The following PCBP3 variants were observed in gnomAD, a reference collection of about 807,000 sequenced individuals.
The protein encoded by PCBP3 is poly(rC) binding protein 3.
In PCBP3, 25 loss-of-function variants were observed where a neutral mutation model predicts 52.7. The observed-to-expected ratio is 0.47, with a 90% CI of 0.35 to 0.66. The LOEUF (loss-of-function observed/expected upper bound fraction) is 0.66, where lower values mean the gene tolerates loss of function less well. PCBP3 is among the 30% of genes least tolerant of loss of function. The probability of loss-of-function intolerance (pLI) is 0.01; values close to 1 mark genes in which losing one functional copy is unlikely to be tolerated. For missense variants in PCBP3, 391 were observed against 490.3 expected (o/e 0.80, Z 1.91); for synonymous variants, 162 against 183.0 (o/e 0.89, Z 0.93).
At chr21:45,857,658 C>T (rs1412669748) in intron 5 of PCBP3, among the ~76,000 whole-genome samples, 1 of 152,208 alleles carries the variant, frequency 6.6e-6, no homozygotes, top group Non-Finnish European at 1.5e-5. Flanking sequence ...CCAGGCTGCA[C>T]CCCAGCCACC....
chr21:45,644,028 G>T (rs1283764738), intron 1 of PCBP3, among the ~76,000 whole-genome samples, 160 bp downstream of exon 1: 1 of 149,484 alleles, frequency 6.7e-6, no homozygotes, highest in African/African-American at 2.4e-5. Flanking sequence ...CGCCGTCCCC[G>T]ACCGCCGCCG....
chr21:45,732,687 G>A (rs1328096143), intron 2 of PCBP3: 5 of 152,026 alleles, frequency 3.3e-5, no homozygotes, highest in East Asian at 1.9e-4. Flanking sequence ...ACAAGGCCTC[G>A]TTCTGTCACC....
At chr21:45,857,873 T>C (rs1346923856) in intron 5 of PCBP3, among the ~76,000 whole-genome samples, 3 of 152,192 alleles carry the variant, frequency 2.0e-5, no homozygotes, top group Non-Finnish European at 4.4e-5. Context: ...CTGGATGGGA[T>C]GGGGAAACAG....
intron 4 of PCBP3, among the ~76,000 whole-genome samples, chr21:45,782,254 A>G (rs1318553276): frequency 6.6e-6 from 1 of 152,248 alleles, no homozygotes; most frequent in East Asian, 1.9e-4. Context: ...TTACCAGATA[A>G]GAACTTTGAA....
intron 11 of PCBP3, among the ~76,000 whole-genome samples, chr21:45,911,872 T>G (rs1167338858): frequency 1.3e-5 from 2 of 152,234 alleles, no homozygotes; most frequent in African/African-American, 4.8e-5. Context: ...TGAAAAATAT[T>G]TTTCAAAATA....
intron 10 of PCBP3, 97 bp downstream of exon 10, chr21:45,909,583 C>A: frequency 1.6e-6 from 2 of 1,272,192 alleles, no homozygotes; most frequent in Non-Finnish European, 2.2e-6. Context: ...CTTGTCCCTG[C>A]TGTCTGCAAG....
chr21:45,932,525 C>CCG (rs2076373221), intron 15 of PCBP3, among the ~76,000 whole-genome samples: 5 of 143,584 alleles, frequency 3.5e-5, no homozygotes, highest in African/African-American at 1.3e-4. Flanking sequence ...ACGAACACGT[C>CCG]GGCCATGCCG....
At chr21:45,745,644 CCT>C (rs2086774444) in intron 3 of PCBP3, among the ~76,000 whole-genome samples, 1 of 152,182 alleles carries the variant, frequency 6.6e-6, no homozygotes, top group African/African-American at 2.4e-5. Flanking sequence ...GCCAGGTGAC[CCT>C]CTCTGCAGAG....
chr21:45,844,260 C>T (rs1266278054), intron 4 of PCBP3, among the ~76,000 whole-genome samples: 1 of 152,042 alleles, frequency 6.6e-6, no homozygotes, highest in Non-Finnish European at 1.5e-5. Flanking sequence ...GTGAGAGCCC[C>T]ACTTTAGGGA....
rs3788227 is a variant in PCBP3 at position 45,880,471 on chromosome 21, G to A, written c.11-15737G>A. 0.14 allele frequency among the ~76,000 whole-genome samples: 21,391 copies of A among 152,260 alleles called. 1,677 individuals are homozygous for A. The highest frequency in any genetic ancestry group is 0.28 in the Middle Eastern group (83 of 294). On this transcript the variant is annotated intron_variant, in intron 5 of 17. Transcript: ENST00000681687. The surrounding 1 kb of genome is among the most constrained non-coding windows in gnomAD (Gnocchi z 5.4). ...TGGTGTGGGAGAAAATAGGATTACG[G>A]TGCTTCTGAGTATTGAGTTTAGAAA...
At chr21:45,815,100 AGTG>A in intron 4 of PCBP3, among the ~76,000 whole-genome samples, 1 of 380 alleles carries the variant, frequency 2.6e-3, no homozygotes, top group Non-Finnish European at 7.8e-3. Context: ...GTGATGAGTG[AGTG>A]GTGAGTGGTG....
intron 2 of PCBP3, among the ~76,000 whole-genome samples, chr21:45,708,253 G>T (rs542819259): frequency 6.6e-6 from 1 of 152,300 alleles, no homozygotes; most frequent in African/African-American, 2.4e-5. Context: ...GGCTAGAGTG[G>T]TGCTCTGGTC....
At chr21:45,646,566 G>A (rs1243895301) in intron 1 of PCBP3, among the ~76,000 whole-genome samples, 2 of 152,098 alleles carry the variant, frequency 1.3e-5, no homozygotes, top group African/African-American at 4.8e-5. Flanking sequence ...AGGTCCGGGG[G>A]CCAAAGCCAC....
At chr21:45,798,814 A>G (rs1375201828) in intron 4 of PCBP3, among the ~76,000 whole-genome samples, 1 of 150,540 alleles carries the variant, frequency 6.6e-6, no homozygotes, top group Admixed American at 6.6e-5. Context: ...GCGTACATGG[A>G]TGAATACATG....
At chr21:45,752,696 T>C (rs892626865) in intron 3 of PCBP3, among the ~76,000 whole-genome samples, 1 of 152,070 alleles carries the variant, frequency 6.6e-6, no homozygotes, top group African/African-American at 2.4e-5. Flanking sequence ...AGGTGATCTC[T>C]GTGTTTGCAG....
At chr21:45,710,015 T>C (rs2083723722) in intron 2 of PCBP3, among the ~76,000 whole-genome samples, 1 of 152,202 alleles carries the variant, frequency 6.6e-6, no homozygotes, top group Non-Finnish European at 1.5e-5. Context: ...TGAGATAAAC[T>C]GCCAGTTCTA....
At chr21:45,747,925 C>T (rs1057166155) in intron 3 of PCBP3, 1 of 152,176 alleles carries the variant, frequency 6.6e-6, no homozygotes, top group African/African-American at 2.4e-5. Context: ...AGAGTGCTGC[C>T]CTCCCGGAGG....
chr21:45,846,371 A>G (rs1416830339), intron 4 of PCBP3, among the ~76,000 whole-genome samples: 3 of 149,566 alleles, frequency 2.0e-5, no homozygotes, highest in African/African-American at 4.9e-5. Context: ...TGCCATTTCT[A>G]TTTCATGTAA....
intron 5 of PCBP3, among the ~76,000 whole-genome samples, chr21:45,891,969 G>A (rs2095674515): frequency 1.3e-5 from 2 of 152,220 alleles, no homozygotes; most frequent in African/African-American, 4.8e-5. Context: ...CTTCCACAGA[G>A]CACCACCGGC....
Sources: allele counts gnomAD v4.1 joint callset (sites outside exome capture counted in the v4.1 genomes callset), GRCh38; gene constraint gnomAD v4.1.1; non-coding constraint Gnocchi (gnomAD v3.1); transcripts MANE v1.5; gene names NCBI Gene and HGNC (gene_info 2026-07-23, HGNC 2026-07-21).